Variants in TRANK1 observed in about 807,000 individuals in gnomAD.
TRANK1 encodes the protein TPR and ankyrin repeat-containing protein 1.
Under a neutral mutation model 266.0 loss-of-function variants are expected in TRANK1, and 198 were observed. The observed-to-expected ratio is 0.74, with a 90% confidence interval of 0.66 to 0.84. TRANK1 has a LOEUF of 0.84. Among genes scored for constraint, TRANK1 ranks in the 40% least tolerant of loss-of-function variants. TRANK1 has a pLI of 0.00. For synonymous variants in TRANK1, 1,396 were observed against 1,384.1 expected (o/e 1.01, Z -0.19); for missense variants, 3,326 against 3,634.6 (o/e 0.92, Z 2.18).
chr3:36,855,183 C>T lies in TRANK1; in HGVS notation c.4539G>A (p.Arg1513=), dbSNP rs753392325. 9 of 1,610,204 alleles carry T rather than the reference C, an allele frequency of 5.6e-6. No individual in the cohort carries two copies. The highest frequency in any genetic ancestry group is 7.6e-6 in the Non-Finnish European group (9 of 1,177,126). The change falls in exon 13 of 24, where the codon AGG becomes AGA. Residue 1513 remains arginine, a synonymous_variant. Transcript: ENST00000645898. The part of the protein sequence containing the change: ...KKIHQLYQNY[R]SHSGILNLAS... ...AAGAGCTGGACTTACCTGAGTGGGA[C>T]CTGTAATTCTGGTACAGCTGGTGGA... is the stretch of plus-strand genomic sequence containing the variant.
chr3:36,847,355 C>A lies in TRANK1; in HGVS notation c.4888-9G>T. On this transcript the variant is annotated splice_polypyrimidine_tract_variant and intron_variant, in intron 15 of 23. Transcript: ENST00000645898. ...TTCCATTCCTTATAAGCCTGAACAA[C>A]AACAAAAAAGTGAAGACCAACAGAA... 1 of 1,611,548 alleles carries A rather than the reference C, an allele frequency of 6.2e-7. No homozygotes were observed.
Position 36,879,657 on chromosome 3 carries a change from T to TATATATAAATATACAAATATATATAA in TRANK1, c.908-5362_908-5361insTTATATATATTTGTATATTTATATAT, listed in dbSNP as rs1275224193. 7.6e-4 allele frequency among the ~76,000 whole-genome samples: 89 copies of TATATATAAATATACAAATATATATAA among 116,634 alleles called. 8 individuals carry two copies. Among genetic ancestry groups the TATATATAAATATACAAATATATATAA allele is most frequent in the African/African-American group, 3.0e-3 (80 of 26,600 alleles). 76.5% of individuals were successfully genotyped at this position (116,634 alleles called of 152,430 possible). ...ATATAAATATACAAATATATATAAA[T>TATATATAAATATACAAATATATATAA]ATATAAATATATATAAATATATAAA... On this transcript the variant is annotated intron_variant, in intron 8 of 23. Coordinates refer to ENST00000645898, the MANE Select transcript of TRANK1 (RefSeq NM_001329998.2).
intron 1 of TRANK1, among the ~76,000 whole-genome samples, chr3:36,914,779 A>T (rs1347177686): frequency 6.6e-6 from 1 of 151,536 alleles, no homozygotes; most frequent in Non-Finnish European, 1.5e-5. Flanking sequence ...CTGCTATTAC[A>T]GGTGCCCACC....
At chr3:36,891,784 T>A (rs949046543) in intron 7 of TRANK1, among the ~76,000 whole-genome samples, 3 of 152,246 alleles carry the variant, frequency 2.0e-5, no homozygotes, top group African/African-American at 7.2e-5. Flanking sequence ...GCCAAGGGAC[T>A]ATGTTCTGTG....
At chr3:36,942,921 G>C (rs552907276) in intron 1 of TRANK1, among the ~76,000 whole-genome samples, 3 of 151,318 alleles carry the variant, frequency 2.0e-5, no homozygotes, top group African/African-American at 7.3e-5. Flanking sequence ...TGGCTCTGGC[G>C]TGTAATCCCA....
In TRANK1 at chr3:36,905,251, G is replaced by A. The variant is rs987276608; in HGVS notation, c.156-1976C>T. On this transcript the variant is annotated intron_variant, in intron 2 of 23. Coordinates refer to ENST00000645898, the MANE Select transcript of TRANK1 (RefSeq NM_001329998.2). ...GCTTGCAGTGAGCCGAGATCGTGCC[G>A]TTGCACTCTAGCCTGGGAGACAGAG... Among the ~76,000 whole-genome samples the A allele has an allele frequency of 5.4e-5, 8 of 147,322 alleles. No homozygotes were observed. The East Asian group carries it at 6.1e-4, about 11-fold the overall frequency.
At chr3:36,880,386 G>T in intron 8 of TRANK1, 1 of 364,192 alleles carries the variant, frequency 2.7e-6, no homozygotes, top group Non-Finnish European at 5.8e-6. Flanking sequence ...CAGCCCTCTT[G>T]GTTTCTCAGC....
At chr3:36,932,176 C>G (rs752911921) in intron 1 of TRANK1, among the ~76,000 whole-genome samples, 2 of 152,172 alleles carry the variant, frequency 1.3e-5, no homozygotes, top group Non-Finnish European at 2.9e-5. Flanking sequence ...TCCTATATAT[C>G]GAAAGGCACT....
intron 1 of TRANK1, among the ~76,000 whole-genome samples, chr3:36,940,543 T>C (rs1452160017): frequency 1.3e-5 from 2 of 151,230 alleles, no homozygotes; most frequent in Non-Finnish European, 2.9e-5. Context: ...GGAGTGTCCC[T>C]CTCTTCCACC....
At chr3:36,942,160 T>TATACTATAGAAA (rs2080505232) in intron 1 of TRANK1, among the ~76,000 whole-genome samples, 2 of 152,320 alleles carry the variant, frequency 1.3e-5, no homozygotes, top group East Asian at 3.9e-4. Flanking sequence ...AAATGGGTCT[T>TATACTATAGAAA]TGGTAGTAAC....
chr3:36,867,683 AG>A (rs1434830162), intron 9 of TRANK1, among the ~76,000 whole-genome samples: 5 of 152,260 alleles, frequency 3.3e-5, no homozygotes, highest in African/African-American at 9.6e-5. Flanking sequence ...TGACTACGTA[AG>A]TACTGAACAA....
At chr3:36,868,268 C>A (rs1470007132) in intron 9 of TRANK1, among the ~76,000 whole-genome samples, 2 of 152,118 alleles carry the variant, frequency 1.3e-5, no homozygotes, top group Non-Finnish European at 2.9e-5. Context: ...GCCTTAGGAA[C>A]TTAACTCTTG....
chr3:36,914,282 C>G (rs189499865), intron 1 of TRANK1, among the ~76,000 whole-genome samples: 1 of 151,608 alleles, frequency 6.6e-6, no homozygotes, highest in Non-Finnish European at 1.5e-5. Context: ...TACAGGCGCA[C>G]GCCACCATGC....
At chr3:36,848,004 T>C (rs1056383070) in intron 15 of TRANK1, among the ~76,000 whole-genome samples, 1 of 152,220 alleles carries the variant, frequency 6.6e-6, no homozygotes, top group Non-Finnish European at 1.5e-5. Context: ...ATTTTTTTCC[T>C]TTACCCAAAA....
intron 5 of TRANK1, among the ~76,000 whole-genome samples, chr3:36,893,511 A>G (rs191186613): frequency 8.2e-4 from 125 of 152,312 alleles, no homozygotes; most frequent in African/African-American, 2.9e-3. Context: ...TGTATGTCAT[A>G]TTAGTAGCTG....
At chr3:36,876,254 T>C (rs1194063683) in intron 8 of TRANK1, among the ~76,000 whole-genome samples, 3 of 152,250 alleles carry the variant, frequency 2.0e-5, no homozygotes, top group Non-Finnish European at 1.5e-5. Context: ...AACCACATTC[T>C]CTACCATTTC....
At chr3:36,879,060 A>C (rs577881906) in intron 8 of TRANK1, among the ~76,000 whole-genome samples, 2 of 152,142 alleles carry the variant, frequency 1.3e-5, no homozygotes, top group South Asian at 2.1e-4. Flanking sequence ...GAAAATTTTC[A>C]ATTTATCTGG....
At chr3:36,886,370 C>A (rs542226393) in intron 8 of TRANK1, among the ~76,000 whole-genome samples, 1 of 151,966 alleles carries the variant, frequency 6.6e-6, no homozygotes, top group South Asian at 2.1e-4. Flanking sequence ...TAGCCTCCCC[C>A]AAAGTGCTAG....
intron 1 of TRANK1, among the ~76,000 whole-genome samples, chr3:36,933,015 C>T (rs1470580124): frequency 6.6e-6 from 1 of 152,106 alleles, no homozygotes; most frequent in Non-Finnish European, 1.5e-5. Context: ...ACCCCCAAAC[C>T]CCTTTTTCTC....
Sources: gnomAD v4.1 joint callset for allele counts (sites outside exome capture counted in the v4.1 genomes callset) on GRCh38, gnomAD v4.1.1 for gene constraint, MANE v1.5 for transcripts, NCBI Gene and HGNC (gene_info 2026-07-23, HGNC 2026-07-21) for gene names.